GPHN: variants seen among roughly 807,000 people sequenced by gnomAD.
GPHN encodes the protein gephyrin.
GPHN carries 17 observed loss-of-function variants against 95.5 expected under a neutral mutation model. The ratio of observed to expected loss-of-function variants is 0.18; its 90% confidence interval spans 0.12 to 0.27. GPHN has a LOEUF of 0.27. Among genes scored for constraint, GPHN ranks in the 10% least tolerant of loss-of-function variants. The pLI is 1.00. For missense variants in GPHN, 660 were observed against 978.1 expected (o/e 0.67, Z 4.34); for synonymous variants, 320 against 322.5 (o/e 0.99, Z 0.08).
chr14:66,813,005 G>A (rs1337597971), intron 3 of GPHN, among the ~76,000 whole-genome samples: 1 of 152,150 alleles, frequency 6.6e-6, no homozygotes, highest in African/African-American at 2.4e-5. Context: ...TTTAATAGTA[G>A]ATAGCAGAAT....
At chr14:67,436,515 C>A in the GPHN span, among the ~76,000 whole-genome samples, 1 of 152,164 alleles carries the variant, frequency 6.6e-6, no homozygotes, top group African/African-American at 2.4e-5. Flanking sequence ...ATGGTTCAGC[C>A]GAGGGAGCCC....
At chr14:67,239,390 G>C in the GPHN span, among the ~76,000 whole-genome samples, 2 of 152,090 alleles carry the variant, frequency 1.3e-5, no homozygotes, top group African/African-American at 4.8e-5. Flanking sequence ...GCACGTAGTG[G>C]GTAGAGGCTG....
the GPHN span, among the ~76,000 whole-genome samples, chr14:67,563,610 T>TAC: frequency 5.9e-5 from 9 of 151,684 alleles, no homozygotes. Flanking sequence ...ATTTTGTATT[T>TAC]TTAGTAGAGG....
At chr14:66,842,600 T>G (rs1325609866) in intron 4 of GPHN, 4 of 986,402 alleles carry the variant, frequency 4.1e-6, no homozygotes, top group South Asian at 1.4e-5. Flanking sequence ...TGAACCAGTT[T>G]GTACAGCCCT....
chr14:67,574,015 A>G, the GPHN span: 1 of 751,190 alleles, frequency 1.3e-6, no homozygotes, highest in Admixed American at 2.2e-5. This position sits in a 1 kb window ranked among gnomAD's most constrained non-coding sequence, Gnocchi z 4.2. Context: ...TTTGGACGTG[A>G]TCCTAACTTG....
At chr14:67,223,737 CT>C in the GPHN span, 1 of 984,128 alleles carries the variant, frequency 1.0e-6, no homozygotes, top group Non-Finnish European at 1.2e-6. Flanking sequence ...TGTTTTCCCA[CT>C]TTTTTCTTAC....
the GPHN span, among the ~76,000 whole-genome samples, chr14:67,536,259 G>A: frequency 6.6e-6 from 1 of 151,816 alleles, no homozygotes; most frequent in South Asian, 2.1e-4. Flanking sequence ...TCAGATGACA[G>A]TGCTGAGATC....
chr14:66,620,633 G>C lies in GPHN; in HGVS notation c.65-60474G>C, dbSNP rs549869399. ...GGAGTTACAATTCAAGATGAGATTT[G>C]GCAGAGGGGACACAGCCAAACCATA... On this transcript the variant is annotated intron_variant, in intron 1 of 22. Transcript: ENST00000478722. Among the ~76,000 whole-genome samples, 3 of 152,240 alleles carry C rather than the reference G, an allele frequency of 2.0e-5. No individual in the cohort carries two copies. The South Asian group carries it at 6.2e-4, about 32-fold the overall frequency.
chr14:67,616,190 A>G, the GPHN span: 1 of 233,712 alleles, frequency 4.3e-6, no homozygotes, highest in Non-Finnish European at 8.8e-6. Flanking sequence ...TTGAAATGTA[A>G]GACTTGTTTT....
At chr14:67,477,018 A>G in the GPHN span, among the ~76,000 whole-genome samples, 1 of 152,082 alleles carries the variant, frequency 6.6e-6, no homozygotes, top group Admixed American at 6.6e-5. Context: ...GGCCTGCTTC[A>G]GCTGAAATGT....
the GPHN span, chr14:67,715,228 G>T: frequency 1.3e-5 from 2 of 151,760 alleles, no homozygotes; most frequent in Non-Finnish European, 2.9e-5. Flanking sequence ...AAATAAAAGG[G>T]GGGGAGCCCC....
At chr14:66,877,565 A>G (rs977067346) in intron 4 of GPHN, among the ~76,000 whole-genome samples, 1 of 152,178 alleles carries the variant, frequency 6.6e-6, no homozygotes, top group Non-Finnish European at 1.5e-5. Context: ...ATGCACAAAA[A>G]TCACAAGAAT....
At chr14:67,601,738 A>G in the GPHN span, among the ~76,000 whole-genome samples, 5 of 151,962 alleles carry the variant, frequency 3.3e-5, no homozygotes, top group African/African-American at 1.2e-4. Context: ...CATCTCTACT[A>G]AAAATACAAA....
chr14:67,137,302 C>A (rs59055504), intron 17 of GPHN, among the ~76,000 whole-genome samples: 1 of 151,662 alleles, frequency 6.6e-6, no homozygotes, highest in East Asian at 2.1e-4. Flanking sequence ...CCCGCCACCA[C>A]GCCCGGCTAA....
intron 9 of GPHN, among the ~76,000 whole-genome samples, chr14:67,017,093 C>A (rs374862573): frequency 5.3e-5 from 8 of 152,036 alleles, no homozygotes; most frequent in Non-Finnish European, 2.9e-5. Flanking sequence ...CAAAGGACAT[C>A]CTCTTTATCA....
At chr14:67,012,455 T>C (rs994276991) in intron 9 of GPHN, among the ~76,000 whole-genome samples, 7 of 152,166 alleles carry the variant, frequency 4.6e-5, no homozygotes, top group Non-Finnish European at 1.0e-4. Context: ...TGAACACCCG[T>C]GTGTCTTTTT....
the GPHN span, chr14:67,200,022 T>C: frequency 1.0e-6 from 1 of 957,820 alleles, no homozygotes; most frequent in Non-Finnish European, 1.6e-6. Flanking sequence ...GTTTAGGACA[T>C]CCCCATTCTG....
chr14:66,898,977 G>A (rs905791010), intron 5 of GPHN, among the ~76,000 whole-genome samples: 1 of 151,776 alleles, frequency 6.6e-6, no homozygotes, highest in African/African-American at 2.4e-5. Context: ...TTCAGTTATT[G>A]TAAATGGTGT....
chr14:66,741,462 T>C (rs2072786698), intron 2 of GPHN, among the ~76,000 whole-genome samples: 1 of 151,952 alleles, frequency 6.6e-6, no homozygotes, highest in African/African-American at 2.4e-5. Context: ...TATTCAGGAG[T>C]ATAAGGCAAT....
Sources: allele counts gnomAD v4.1 joint callset (sites outside exome capture counted in the v4.1 genomes callset), GRCh38; gene constraint gnomAD v4.1.1; non-coding constraint Gnocchi (gnomAD v3.1); transcripts MANE v1.5; gene names NCBI Gene and HGNC (gene_info 2026-07-23, HGNC 2026-07-21).